Variants in SGCD observed in about 807,000 individuals in gnomAD.
SGCD encodes the protein sarcoglycan delta.
SGCD carries 18 observed loss-of-function variants against 36.6 expected under a neutral mutation model. That is an observed-to-expected ratio of 0.49 (90% CI 0.34 to 0.73). The LOEUF is 0.73. Among genes scored for constraint, SGCD ranks in the 30% least tolerant of loss-of-function variants. The probability of loss-of-function intolerance (pLI) is 0.01; values close to 1 mark genes in which losing one functional copy is unlikely to be tolerated. For missense variants in SGCD, 387 were observed against 346.7 expected (o/e 1.12, Z -0.92); for synonymous variants, 133 against 130.6 (o/e 1.02, Z -0.12).
chr5:155,876,878 G>A (rs930376258), intron 1 of SGCD, among the ~76,000 whole-genome samples: 1 of 152,074 alleles, frequency 6.6e-6, no homozygotes, highest in Non-Finnish European at 1.5e-5. Context: ...ACAATCATGT[G>A]AAAATATTAG....
At chr5:156,301,698 G>A (rs1767057453) in intron 3 of SGCD, among the ~76,000 whole-genome samples, 1 of 151,772 alleles carries the variant, frequency 6.6e-6, no homozygotes, top group African/African-American at 2.4e-5. Context: ...TAGATCTGGT[G>A]TTGATAAAAT....
At chr5:155,948,410 T>C (rs1757484231) in intron 1 of SGCD, among the ~76,000 whole-genome samples, 3 of 152,186 alleles carry the variant, frequency 2.0e-5, no homozygotes, top group Admixed American at 2.0e-4. Context: ...TTGTGAAAAA[T>C]CCACATCTCC....
intron 3 of SGCD, among the ~76,000 whole-genome samples, chr5:156,302,438 T>C (rs1425298600): frequency 6.6e-6 from 1 of 152,118 alleles, no homozygotes; most frequent in African/African-American, 2.4e-5. Context: ...TTGAATTACT[T>C]TGAGTTTCCT....
rs1419908957 is a variant in SGCD at position 156,552,803 on chromosome 5, ATT to A, written c.295-36424_295-36423del. Among the ~76,000 whole-genome samples the A allele has an allele frequency of 5.3e-5, 8 of 152,298 alleles. No homozygotes were observed. The East Asian group carries it at 1.3e-3, about 26-fold the overall frequency. ...CCTCTGTTTGTCTTCAGCCCAAAATATTTTTAGATTTGTTTTCAGAATACCTT... is the reference window on the plus strand; with the variant it reads ...CCTCTGTTTGTCTTCAGCCCAAAATATTTAGATTTGTTTTCAGAATACCTT... On this transcript the variant is annotated intron_variant, in intron 4 of 8. Transcript: ENST00000337851.
At chr5:156,550,640 G>A (rs183416819) in intron 4 of SGCD, among the ~76,000 whole-genome samples, 184 of 152,308 alleles carry the variant, frequency 1.2e-3, no homozygotes, top group Middle Eastern at 6.8e-3. Context: ...CAGACAAGTG[G>A]CTTCAGTTGT....
intron 1 of SGCD, among the ~76,000 whole-genome samples, chr5:155,888,836 A>G (rs913577236): frequency 2.0e-5 from 3 of 152,164 alleles, no homozygotes; most frequent in Non-Finnish European, 4.4e-5. Context: ...TTTTGTAGCA[A>G]CAGTTTCTGA....
intron 1 of SGCD, among the ~76,000 whole-genome samples, chr5:155,882,380 C>T (rs1298628579): frequency 6.6e-6 from 1 of 152,116 alleles, no homozygotes; most frequent in Non-Finnish European, 1.5e-5. Context: ...TTCCTGGCCA[C>T]AAATGTTCCT....
At chr5:156,623,179 A>G (rs776637894) in intron 6 of SGCD, among the ~76,000 whole-genome samples, 2 of 152,196 alleles carry the variant, frequency 1.3e-5, no homozygotes, top group Non-Finnish European at 1.5e-5. Flanking sequence ...GTGTATGTAC[A>G]TGAATCTCTT....
intron 1 of SGCD, among the ~76,000 whole-genome samples, chr5:156,040,564 A>G (rs904766025): frequency 2.0e-5 from 3 of 152,102 alleles, no homozygotes; most frequent in African/African-American, 7.2e-5. Context: ...AACTGATTAG[A>G]TCCTTGTTGA....
chr5:156,684,373 G>T (rs190774181), intron 7 of SGCD, among the ~76,000 whole-genome samples: 1 of 152,154 alleles, frequency 6.6e-6, no homozygotes, highest in African/African-American at 2.4e-5. Context: ...CTTTTGATGA[G>T]GGTTGAATAG....
Position 156,357,600 on chromosome 5 carries a change from C to T in SGCD, c.192+12923C>T, listed in dbSNP as rs367989008. On this transcript the variant is annotated intron_variant, in intron 3 of 8. Coordinates refer to ENST00000337851, the MANE Select transcript of SGCD (RefSeq NM_000337.6). Reference sequence around the variant, plus strand: ...TTAAGGGGTCATACTAACTACATAGCTTGTATTTATGTTAGAAGAATCATA... The same window carrying T: ...TTAAGGGGTCATACTAACTACATAGTTTGTATTTATGTTAGAAGAATCATA... 5.3e-5 allele frequency among the ~76,000 whole-genome samples: 8 copies of T among 152,234 alleles called. No homozygotes were observed. The East Asian group carries it at 9.6e-4, about 18-fold the overall frequency.
chr5:156,081,049 T>C (rs1561711564), intron 1 of SGCD, among the ~76,000 whole-genome samples: 1 of 152,142 alleles, frequency 6.6e-6, no homozygotes, highest in Non-Finnish European at 1.5e-5. Flanking sequence ...TGGCTCATGG[T>C]TCTATAGGCT....
chr5:156,061,551 A>G (rs1760207540), intron 1 of SGCD, among the ~76,000 whole-genome samples: 1 of 146,402 alleles, frequency 6.8e-6, no homozygotes, highest in East Asian at 1.9e-4. Flanking sequence ...AACCCACTGC[A>G]TGAATGTTAA....
intron 3 of SGCD, among the ~76,000 whole-genome samples, chr5:156,183,616 C>T (rs542483066): frequency 6.6e-6 from 1 of 152,240 alleles, no homozygotes; most frequent in African/African-American, 2.4e-5. Flanking sequence ...CTGTATTGGC[C>T]AGGGTGGTCT....
chr5:156,160,572 G>A (rs1388633270), intron 3 of SGCD, among the ~76,000 whole-genome samples: 1 of 151,674 alleles, frequency 6.6e-6, no homozygotes, highest in African/African-American at 2.4e-5. Context: ...GCTTTGTTGA[G>A]TTATATTTCC....
At chr5:156,406,258 G>A (rs1487055253) in intron 3 of SGCD, among the ~76,000 whole-genome samples, 4 of 152,004 alleles carry the variant, frequency 2.6e-5, no homozygotes, top group African/African-American at 4.8e-5. Context: ...TAATTCCTGG[G>A]CCATTAACAC....
At chr5:155,960,373 G>A (rs1214553080) in intron 1 of SGCD, among the ~76,000 whole-genome samples, 3 of 151,986 alleles carry the variant, frequency 2.0e-5, no homozygotes, top group Non-Finnish European at 4.4e-5. Flanking sequence ...GTAGGAGGAC[G>A]CCAATAGTCC....
chr5:156,473,811 C>G (rs1374903808), intron 3 of SGCD, among the ~76,000 whole-genome samples: 2 of 152,138 alleles, frequency 1.3e-5, no homozygotes, highest in Admixed American at 6.5e-5. Context: ...ATCCACTGAC[C>G]ACCTTTTGAG....
chr5:156,549,577 G>A (rs1758711610), intron 4 of SGCD, among the ~76,000 whole-genome samples: 1 of 152,242 alleles, frequency 6.6e-6, no homozygotes, highest in Admixed American at 6.5e-5. Context: ...GTAGAAATGT[G>A]TGTTATTTAG....
Sources: gnomAD v4.1 joint callset for allele counts (sites outside exome capture counted in the v4.1 genomes callset) on GRCh38, gnomAD v4.1.1 for gene constraint, MANE v1.5 for transcripts, NCBI Gene and HGNC (gene_info 2026-07-23, HGNC 2026-07-21) for gene names.